VWC2L: variants seen among roughly 807,000 people sequenced by gnomAD.
The protein encoded by VWC2L is von Willebrand factor C domain-containing protein 2-like.
A neutral mutation model predicts 21.6 loss-of-function variants in VWC2L; 10 were observed. That is an observed-to-expected ratio of 0.46 (90% CI 0.29 to 0.78). The LOEUF is 0.78. VWC2L is among the 30% of genes least tolerant of loss of function. The pLI is 0.10. For missense variants in VWC2L, 209 were observed against 277.1 expected (o/e 0.75, Z 1.74); for synonymous variants, 96 against 94.3 (o/e 1.02, Z -0.10).
intron 3 of VWC2L, among the ~76,000 whole-genome samples, chr2:214,496,346 T>A (rs144642218): frequency 4.8e-4 from 70 of 146,326 alleles, no homozygotes; most frequent in South Asian, 1.1e-3. Context: ...GCTGCAAGCA[T>A]ATGAAACATC....
chr2:214,419,716 G>A lies in VWC2L; in HGVS notation c.390+5133G>A, dbSNP rs78932340. Among the ~76,000 whole-genome samples the A allele has an allele frequency of 1.8e-3, 269 of 152,226 alleles. 1 individual carries two copies. Among genetic ancestry groups the A allele is most frequent in the African/African-American group, 6.0e-3 (250 of 41,530 alleles). On this transcript the variant is annotated intron_variant, in intron 2 of 3. Coordinates refer to ENST00000312504, the MANE Select transcript of VWC2L (RefSeq NM_001080500.4). ...GACCAGGTCTCTGAATTCTATATTC[G>A]AAAGGTGCGGTGTGAATATTTTTTC...
intron 3 of VWC2L, among the ~76,000 whole-genome samples, chr2:214,508,304 C>CTT (rs1043923210): frequency 1.3e-5 from 2 of 152,148 alleles, no homozygotes; most frequent in African/African-American, 4.8e-5. Context: ...ATATACTTAG[C>CTT]TTTATTTCTT....
rs959992148 is a variant in VWC2L, at chr2:214,575,979, G to A, written c.*159G>A. 1.4e-6 allele frequency: 1 copy of A among 739,216 alleles called. No homozygotes were observed. 45.8% of individuals were successfully genotyped at this position (739,216 alleles called of 1,614,324 possible). Reference sequence around the variant, plus strand: ...GACAAAAGTGAATATTTTCCTAAGAGGAAATTTCTTTCTCTCTTGCTATAT... The same window carrying A: ...GACAAAAGTGAATATTTTCCTAAGAAGAAATTTCTTTCTCTCTTGCTATAT... On this transcript the variant is annotated 3_prime_UTR_variant, in exon 4 of 4. Transcript: ENST00000312504.
At chr2:214,423,464 T>C (rs2126173088) in intron 2 of VWC2L, among the ~76,000 whole-genome samples, 1 of 152,334 alleles carries the variant, frequency 6.6e-6, no homozygotes, top group East Asian at 1.9e-4. Context: ...TTCTATATTT[T>C]ACTACCTTCA....
chr2:214,484,033 T>G (rs923196234), intron 3 of VWC2L, among the ~76,000 whole-genome samples: 1 of 152,184 alleles, frequency 6.6e-6, no homozygotes, highest in Non-Finnish European at 1.5e-5. Context: ...CTGGCAATCT[T>G]TGGTGTTCCT....
At position 214,417,505 on chromosome 2, in the gene VWC2L, G is replaced by A. The variant is rs75240978; in HGVS notation, c.390+2922G>A. Among the ~76,000 whole-genome samples the A allele has an allele frequency of 2.5e-3, 386 of 152,292 alleles. 2 individuals carry two copies. Among genetic ancestry groups the A allele is most frequent in the African/African-American group, 8.8e-3 (367 of 41,546 alleles). ...CCCTATACATCTTGTAGAGCTGCCT[G>A]TTCTTCAAGAAGTACTTGAAATTGA... On this transcript the variant is annotated intron_variant, in intron 2 of 3. Coordinates refer to ENST00000312504, the MANE Select transcript of VWC2L (RefSeq NM_001080500.4).
intron 2 of VWC2L, among the ~76,000 whole-genome samples, chr2:214,418,134 C>T (rs189278627): frequency 1.2e-3 from 184 of 152,274 alleles, no homozygotes; most frequent in African/African-American, 4.3e-3. Flanking sequence ...CAACTGGAAA[C>T]CCCTCTCTGT....
chr2:214,541,370 T>C (rs1253093788), intron 3 of VWC2L, among the ~76,000 whole-genome samples: 1 of 152,222 alleles, frequency 6.6e-6, no homozygotes, highest in Non-Finnish European at 1.5e-5. Flanking sequence ...TATGTCCTTT[T>C]CTGCTAATCT....
chr2:214,451,668 A>G (rs777947362), intron 3 of VWC2L, among the ~76,000 whole-genome samples: 21 of 152,190 alleles, frequency 1.4e-4, no homozygotes, highest in Non-Finnish European at 2.8e-4. Flanking sequence ...AAGTCACTCA[A>G]GAAGGCACAA....
intron 3 of VWC2L, among the ~76,000 whole-genome samples, chr2:214,572,059 G>C (rs979721692): frequency 1.6e-4 from 24 of 152,116 alleles, no homozygotes; most frequent in Admixed American, 1.6e-3. Flanking sequence ...TGGGATTACA[G>C]GTGTAAGCCA....
intron 3 of VWC2L, among the ~76,000 whole-genome samples, chr2:214,565,961 C>G (rs954784709): frequency 2.0e-5 from 3 of 152,076 alleles, no homozygotes; most frequent in Non-Finnish European, 4.4e-5. Context: ...TAATTTTATC[C>G]TTTTACTCCT....
intron 3 of VWC2L, among the ~76,000 whole-genome samples, chr2:214,469,710 G>T (rs1703276812): frequency 6.6e-6 from 1 of 152,150 alleles, no homozygotes; most frequent in East Asian, 1.9e-4. Context: ...CACCTTGAAA[G>T]GCATTAGGAC....
At chr2:214,510,802 T>G (rs1018915086) in intron 3 of VWC2L, among the ~76,000 whole-genome samples, 1 of 152,194 alleles carries the variant, frequency 6.6e-6, no homozygotes, top group African/African-American at 2.4e-5. Context: ...TGCTCTACTC[T>G]TGGCTCATGT....
At chr2:214,530,952 A>G (rs1689423881) in intron 3 of VWC2L, among the ~76,000 whole-genome samples, 2 of 152,216 alleles carry the variant, frequency 1.3e-5, no homozygotes, top group South Asian at 4.1e-4. Context: ...GGTGAAAACA[A>G]AAAATTCAGC....
intron 3 of VWC2L, among the ~76,000 whole-genome samples, chr2:214,528,372 C>T (rs1401649645): frequency 6.6e-6 from 1 of 152,132 alleles, no homozygotes; most frequent in Non-Finnish European, 1.5e-5. Context: ...AGATAAGCCC[C>T]ACAGTGACTT....
At chr2:214,524,537 G>T (rs1005439534) in intron 3 of VWC2L, among the ~76,000 whole-genome samples, 2 of 152,288 alleles carry the variant, frequency 1.3e-5, no homozygotes, top group East Asian at 3.9e-4. Context: ...AATTAACCCA[G>T]TTTGGATTCT....
chr2:214,430,345 A>G (rs1173367225), intron 2 of VWC2L, among the ~76,000 whole-genome samples: 1 of 152,158 alleles, frequency 6.6e-6, no homozygotes, highest in African/African-American at 2.4e-5. Flanking sequence ...TAGGTTTTCT[A>G]TTATAGTAGT....
At chr2:214,470,464 G>T (rs1203939232) in intron 3 of VWC2L, among the ~76,000 whole-genome samples, 1 of 152,090 alleles carries the variant, frequency 6.6e-6, no homozygotes, top group African/African-American at 2.4e-5. Context: ...TTTACATGCT[G>T]CTGGGTGTTG....
At position 214,433,159 on chromosome 2, in the gene VWC2L, G is replaced by GATATATATATATATATATATATATAT. The variant is rs5838434; in HGVS notation, c.391-3446_391-3445insATATATATATATATATATATATATAT. Among the ~76,000 whole-genome samples, 106 of 132,894 alleles carry GATATATATATATATATATATATATAT rather than the reference G, an allele frequency of 8.0e-4. 1 individual carries two copies. The highest frequency in any genetic ancestry group is 1.2e-3 in the South Asian group (5 of 4,084). The allele number at this position is 132,894 out of a possible 152,430, so 87.2% of individuals were successfully genotyped here. ...GATATATTAACTGCTCAAGCCACCT[G>GATATATATATATATATATATATATAT]ATATATATATATATATATATATATT... is the stretch of plus-strand genomic sequence containing the variant. On this transcript the variant is annotated intron_variant, in intron 2 of 3. Transcript: ENST00000312504.
Sources: allele counts gnomAD v4.1 joint callset (sites outside exome capture counted in the v4.1 genomes callset), GRCh38; gene constraint gnomAD v4.1.1; transcripts MANE v1.5; gene names NCBI Gene and HGNC (gene_info 2026-07-23, HGNC 2026-07-21).